Variants in MLXIPL observed in about 807,000 individuals in gnomAD.
The protein encoded by MLXIPL is carbohydrate-responsive element-binding protein.
Under a neutral mutation model 81.5 loss-of-function variants are expected in MLXIPL, and 49 were observed. The ratio of observed to expected loss-of-function variants is 0.60; its 90% confidence interval spans 0.48 to 0.76. The LOEUF is 0.76. Ranked by LOEUF, MLXIPL falls within the 30% of genes least tolerant of loss-of-function variation. MLXIPL has a pLI of 0.00. For missense variants in MLXIPL, 1,053 were observed against 1,167.0 expected, an observed-to-expected ratio of 0.90 and a Z score of 1.42; for synonymous variants, 466 against 485.5, an observed-to-expected ratio of 0.96 and a Z score of 0.53.
Position 73,606,022 on chromosome 7 carries a change from C to G in MLXIPL, c.708G>C (p.Glu236Asp), listed in dbSNP as rs781808273. 1 of 1,588,390 alleles carries G rather than the reference C, an allele frequency of 6.3e-7. No homozygotes were observed. Among genetic ancestry groups the G allele is most frequent in the East Asian group, 2.3e-5 (1 of 43,888 alleles). ...VPVLLGDPEEEPGGRQLLDLN... is the reference protein window; with the variant it reads ...VPVLLGDPEEDPGGRQLLDLN... Reference sequence around the variant, plus strand: ...GGTCCAGGAGCTGCCGCCCACCCGGCTCCTCCTCTGGGTCCCCCAGCAGCA... The same window carrying G: ...GGTCCAGGAGCTGCCGCCCACCCGGGTCCTCCTCTGGGTCCCCCAGCAGCA... The change falls in exon 6 of 17, where the codon GAG becomes GAC. Residue 236 changes from glutamate to aspartate, a missense_variant. This residue lies in a region of MLXIPL where 823 missense variants were observed against 933.0 expected (regional missense o/e 0.88). Transcript: ENST00000313375.
At chr7:73,607,737 T>C in intron 2 of MLXIPL, 65 bp from the exon 3 acceptor site, 2 of 1,454,196 alleles carry the variant, frequency 1.4e-6, no homozygotes, top group Non-Finnish European at 1.9e-6. Context: ...CCCAGGGGAC[T>C]GGGACTCAAG....
At chr7:73,647,851 G>T in the MLXIPL span, among the ~76,000 whole-genome samples, 1 of 150,740 alleles carries the variant, frequency 6.6e-6, no homozygotes, top group Non-Finnish European at 1.5e-5. Flanking sequence ...CTGCGGGGAT[G>T]CTTGGGACCG....
Position 73,593,935 on chromosome 7 carries a change from G to C in MLXIPL, c.2489C>G (p.Thr830Ser). ...RQLGTSTSIL[T>S]DPGRIPEQAT... ...TTGCTCAGGGATGCGGCCCGGGTCGGTCAGGATACTGGTAGATGTGCCCAG... is the reference window on the plus strand; with the variant it reads ...TTGCTCAGGGATGCGGCCCGGGTCGCTCAGGATACTGGTAGATGTGCCCAG... Residue 830 changes from threonine (T) to serine (S), a missense_variant, in exon 17 of 17, where the codon ACC becomes AGC. Thr to Ser is a moderately conservative substitution (Grantham distance 58). This residue lies in a region of MLXIPL where 823 missense variants were observed against 933.0 expected (regional missense o/e 0.88). Transcript: ENST00000313375. 1 of 1,614,172 alleles carries C rather than the reference G, an allele frequency of 6.2e-7. No individual in the cohort carries two copies. Among genetic ancestry groups the C allele is most frequent in the Non-Finnish European group, 8.5e-7 (1 of 1,180,028 alleles).
rs111426122 is a variant in MLXIPL at position 73,593,257 on chromosome 7, C to CCA, written c.*606_*607dup. On this transcript the variant is annotated 3_prime_UTR_variant, in exon 17 of 17. Transcript: ENST00000313375. The stretch of plus-strand genomic sequence containing the variant: ...CTTTACAAAACCCACACACACACAT[C>CCA]CACACACACACACACACATGATGCC... The CCA allele has an allele frequency of 1.9e-3, 302 of 161,060 alleles. No homozygotes were observed. Among genetic ancestry groups the CCA allele is most frequent in the South Asian group, 5.3e-3 (31 of 5,798 alleles). 10.0% of individuals were successfully genotyped at this position (161,060 alleles called of 1,614,324 possible). A position where few individuals can be genotyped will look rare whatever the true frequency, so the allele number is the denominator to read the frequency against.
Position 73,624,408 on chromosome 7 carries a change from A to G in MLXIPL, c.85T>C (p.Ser29Pro). The change falls in exon 1 of 17, where the codon TCG becomes CCG. Residue 29 changes from serine to proline, a missense_variant. Physicochemically the swap from Ser to Pro is moderately conservative, Grantham distance 74. Around this residue, in one of 3 missense-constraint regions of MLXIPL, gnomAD observed 226 missense variants for 216.2 expected, o/e 1.05. Transcript: ENST00000313375. ...CTGCGCCGGAGACTCGGGTCCTCCGAGTCTGTGTCCGAGTCCGAGTCTGGG... is the reference window on the plus strand; with the variant it reads ...CTGCGCCGGAGACTCGGGTCCTCCGGGTCTGTGTCCGAGTCCGAGTCTGGG... ...PSPDSDSDTD[S>P]EDPSLRRSAG... 6.4e-7 allele frequency: 1 copy of G among 1,567,382 alleles called. No homozygotes were observed. Among genetic ancestry groups the G allele is most frequent in the South Asian group, 1.1e-5 (1 of 86,982 alleles).
At chr7:73,624,597 C>G, upstream of MLXIPL, 1 of 1,394,930 alleles carries the variant, frequency 7.2e-7, no homozygotes, top group African/African-American at 1.5e-5. Context: ...CACCATAGGC[C>G]GATCGGGTGG....
At chr7:73,647,875 G>A in the MLXIPL span, among the ~76,000 whole-genome samples, 6 of 150,982 alleles carry the variant, frequency 4.0e-5, no homozygotes, top group Admixed American at 3.3e-4. Flanking sequence ...GACCGCGCCC[G>A]GCGCCTTCTC....
At chr7:73,645,778 T>C in the MLXIPL span, among the ~76,000 whole-genome samples, 1 of 152,154 alleles carries the variant, frequency 6.6e-6, no homozygotes, top group Non-Finnish European at 1.5e-5. Context: ...ACCAGGGCTT[T>C]GGAGCCAAGA....
intron 2 of MLXIPL, among the ~76,000 whole-genome samples, chr7:73,614,225 A>C (rs1319370673): frequency 3.3e-5 from 5 of 152,090 alleles, no homozygotes; most frequent in Non-Finnish European, 7.3e-5. Flanking sequence ...ATTAAAAAAC[A>C]AAACAAAACC....
upstream of MLXIPL, chr7:73,624,523 G>C (rs1313294286): frequency 1.3e-6 from 2 of 1,509,586 alleles, no homozygotes; most frequent in Non-Finnish European, 1.8e-6. Context: ...CCTGGTCCCT[G>C]CTCCGCGCAG....
chr7:73,633,739 G>T, the MLXIPL span, among the ~76,000 whole-genome samples: 1 of 152,162 alleles, frequency 6.6e-6, no homozygotes, highest in South Asian at 2.1e-4. Flanking sequence ...CCAGGCGTGA[G>T]CCATGGTGTC....
At chr7:73,629,460 C>T (rs559942325), upstream of MLXIPL, among the ~76,000 whole-genome samples, 13 of 152,278 alleles carry the variant, frequency 8.5e-5, no homozygotes, top group African/African-American at 2.9e-4. Flanking sequence ...CACTGCTGGG[C>T]GTGGTGGCTC....
At chr7:73,604,985 G>T (rs1337227042) in intron 7 of MLXIPL, among the ~76,000 whole-genome samples, 1 of 152,070 alleles carries the variant, frequency 6.6e-6, no homozygotes, top group Non-Finnish European at 1.5e-5. Flanking sequence ...GGTTGGTCTC[G>T]AACTCCTGAC....
At chr7:73,599,388 A>G (rs1794600589) in intron 8 of MLXIPL, 138 bp downstream of exon 8, 2 of 1,103,818 alleles carry the variant, frequency 1.8e-6, no homozygotes, top group African/African-American at 3.1e-5. Flanking sequence ...GAGGGCAGAG[A>G]TGGGGTCTTT....
chr7:73,602,452 C>T (rs530577713), intron 7 of MLXIPL, among the ~76,000 whole-genome samples: 14 of 151,178 alleles, frequency 9.3e-5, no homozygotes, highest in African/African-American at 3.2e-4. Context: ...GGACGGATCA[C>T]CTGAGGTCAG....
the MLXIPL span, among the ~76,000 whole-genome samples, chr7:73,642,342 CTATT>C: frequency 6.6e-6 from 1 of 151,510 alleles, no homozygotes. Context: ...ATGGAGGTTT[CTATT>C]TATTTATTTA....
intron 1 of MLXIPL, among the ~76,000 whole-genome samples, chr7:73,619,823 G>A (rs906747904): frequency 1.3e-5 from 2 of 150,850 alleles, no homozygotes; most frequent in Non-Finnish European, 3.0e-5. Context: ...CCAGCTACTC[G>A]GGAGGCTGAG....
chr7:73,617,428 G>A (rs1044555269), intron 1 of MLXIPL, among the ~76,000 whole-genome samples: 22 of 152,144 alleles, frequency 1.4e-4, no homozygotes, highest in South Asian at 4.1e-4. Flanking sequence ...GCGAGAAGGT[G>A]TGCTCTTCTC....
chr7:73,633,080 CTTT>C, the MLXIPL span, among the ~76,000 whole-genome samples: 1 of 135,274 alleles, frequency 7.4e-6, no homozygotes, highest in African/African-American at 2.8e-5. Flanking sequence ...CCCACCCTAC[CTTT>C]TTTTTTTTTT....
Sources: gnomAD v4.1 joint callset for allele counts (sites outside exome capture counted in the v4.1 genomes callset) on GRCh38, gnomAD v4.1.1 for gene constraint, gnomAD v4.1.1 regional missense constraint, MANE v1.5 for transcripts, NCBI Gene and HGNC (gene_info 2026-07-23, HGNC 2026-07-21) for gene names.